The following AP4S1 variants were observed in gnomAD, a reference collection of about 807,000 sequenced individuals.
AP4S1 encodes AP-4 complex subunit sigma-1.
AP4S1 carries 23 observed loss-of-function variants against 19.8 expected under a neutral mutation model. That is an observed-to-expected ratio of 1.16 (90% CI 0.84 to 1.65). The LOEUF (loss-of-function observed/expected upper bound fraction) is 1.65. Among genes scored for constraint, AP4S1 ranks in the 40% most tolerant of loss-of-function variants. The pLI is 0.00. For missense variants in AP4S1, 166 were observed against 172.8 expected (o/e 0.96, Z 0.22); for synonymous variants, 46 against 54.1 (o/e 0.85, Z 0.66).
chr14:31,062,408 T>G (rs1421239422), intron 1 of AP4S1, among the ~76,000 whole-genome samples: 1 of 152,126 alleles, frequency 6.6e-6, no homozygotes, highest in Non-Finnish European at 1.5e-5. Flanking sequence ...CAGGTCTATT[T>G]ATTTTTAAAG....
At chr14:31,082,777 T>C (rs1887707523) in intron 5 of AP4S1, among the ~76,000 whole-genome samples, 1 of 151,940 alleles carries the variant, frequency 6.6e-6, no homozygotes, top group Non-Finnish European at 1.5e-5. Flanking sequence ...GCGCCTGTAG[T>C]CCCAGCTACT....
At chr14:31,034,909 G>C (rs1042715865) in intron 1 of AP4S1, among the ~76,000 whole-genome samples, 1 of 151,836 alleles carries the variant, frequency 6.6e-6, no homozygotes, top group Non-Finnish European at 1.5e-5. Flanking sequence ...TTACAGGCAT[G>C]AGCCACCGTG....
intron 5 of AP4S1, chr14:31,084,826 T>A: frequency 6.2e-7 from 1 of 1,614,200 alleles, no homozygotes; most frequent in Non-Finnish European, 8.5e-7. Flanking sequence ...GCAGACTTGC[T>A]TTTCTCCAGA....
chr14:31,083,334 G>A (rs1451514181), intron 5 of AP4S1: 1 of 401,568 alleles, frequency 2.5e-6, no homozygotes, highest in Non-Finnish European at 4.9e-6. Context: ...TATCCATCTG[G>A]CAAATTAGGA....
chr14:31,092,966 C>G lies in AP4S1; in HGVS notation c.366C>G (p.Cys122Trp). ...IILDEMVLNG[C>W]IVETNRARIL... is the part of the protein sequence containing the mutation. The stretch of plus-strand genomic sequence containing the variant: ...TGGATGAGATGGTGTTAAATGGCTG[C>G]ATTGTGGAAACTAACAGGGCAAGAA... The change falls in exon 6 of 6, where the codon TGC (cysteine) becomes TGG (tryptophan). Residue 122 changes from cysteine (C) to tryptophan (W), a missense_variant. Transcript: ENST00000542754. 16 of 1,548,226 alleles carry G rather than the reference C, an allele frequency of 1.0e-5. No homozygotes were observed. The highest frequency in any genetic ancestry group is 1.3e-5 in the Non-Finnish European group (15 of 1,145,690).
chr14:31,068,768 A>G (rs1276810820), intron 2 of AP4S1, among the ~76,000 whole-genome samples: 1 of 152,220 alleles, frequency 6.6e-6, no homozygotes, highest in East Asian at 1.9e-4. Context: ...GCACCAAAGT[A>G]GCATAATAGC....
In AP4S1 at chr14:31,063,630, A is replaced by G. The variant is rs1886559818; in HGVS notation, c.-71-2496A>G. On this transcript the variant is annotated intron_variant, in intron 1 of 5. Coordinates refer to ENST00000542754, the MANE Select transcript of AP4S1 (RefSeq NM_001128126.3). ...CCTCAGGACTGTTAAAGTCATGAAAAACGAGGAAGACTGAGAAACTGTCCC... is the reference window on the plus strand; with the variant it reads ...CCTCAGGACTGTTAAAGTCATGAAAGACGAGGAAGACTGAGAAACTGTCCC... 2.6e-5 allele frequency among the ~76,000 whole-genome samples: 4 copies of G among 152,152 alleles called. No individual in the cohort carries two copies. The South Asian group carries it at 8.3e-4, about 32-fold the overall frequency.
chr14:31,052,228 C>A (rs553133602), intron 1 of AP4S1, among the ~76,000 whole-genome samples: 3 of 152,066 alleles, frequency 2.0e-5, no homozygotes, highest in African/African-American at 7.2e-5. Flanking sequence ...GCCATGATTG[C>A]GCCACTGCAC....
chr14:31,050,071 G>A lies in AP4S1; in HGVS notation c.-71-16055G>A, dbSNP rs536953887. On this transcript the variant is annotated intron_variant, in intron 1 of 5. Coordinates refer to ENST00000542754, the MANE Select transcript of AP4S1 (RefSeq NM_001128126.3). ...TGAGTAGCTGGGATTACAGGCATGC[G>A]CCACCACACCCTGCTAATTTTTGTA... 2.6e-5 allele frequency among the ~76,000 whole-genome samples: 4 copies of A among 152,186 alleles called. No individual in the cohort carries two copies. In the East Asian group the frequency reaches 7.7e-4, roughly 29 times the overall value.
At chr14:31,064,771 A>G (rs1198806411) in intron 1 of AP4S1, among the ~76,000 whole-genome samples, 1 of 152,210 alleles carries the variant, frequency 6.6e-6, no homozygotes, top group Non-Finnish European at 1.5e-5. Flanking sequence ...GGCTGGCAAT[A>G]TAGTGAAACC....
chr14:31,066,029 T>C, intron 1 of AP4S1, 97 bp from the exon 2 acceptor site: 1 of 612,490 alleles, frequency 1.6e-6, no homozygotes, highest in Non-Finnish European at 2.8e-6. Flanking sequence ...TGATATTTAC[T>C]ACTACTTTAT....
chr14:31,090,077 C>T (rs575139413), intron 5 of AP4S1, among the ~76,000 whole-genome samples: 2 of 152,278 alleles, frequency 1.3e-5, no homozygotes, highest in East Asian at 3.9e-4. Flanking sequence ...CAACCTCCGC[C>T]TCCGAGGTTC....
At chr14:31,041,450 G>T (rs551619326) in intron 1 of AP4S1, among the ~76,000 whole-genome samples, 1 of 152,192 alleles carries the variant, frequency 6.6e-6, no homozygotes, top group South Asian at 2.1e-4. Context: ...TGCCCAACAG[G>T]TTTGAAATAT....
chr14:31,072,770 G>A, intron 3 of AP4S1, 135 bp from the exon 4 acceptor site: 1 of 706,256 alleles, frequency 1.4e-6, no homozygotes, highest in Non-Finnish European at 2.6e-6. Flanking sequence ...TTTGTCAGTG[G>A]GAGGCTACTT....
At chr14:31,088,876 G>T (rs1887996653) in intron 5 of AP4S1, among the ~76,000 whole-genome samples, 1 of 151,114 alleles carries the variant, frequency 6.6e-6, no homozygotes, top group South Asian at 2.1e-4. Context: ...TGTGAACAGG[G>T]CCGGGCACAG....
intron 1 of AP4S1, among the ~76,000 whole-genome samples, chr14:31,028,605 A>G (rs1884191521): frequency 6.6e-6 from 1 of 151,776 alleles, no homozygotes; most frequent in African/African-American, 2.4e-5. Flanking sequence ...ATACACACAC[A>G]CACACACACA....
chr14:31,056,848 G>T (rs532087061), intron 1 of AP4S1, among the ~76,000 whole-genome samples: 49 of 152,246 alleles, frequency 3.2e-4, no homozygotes, highest in Non-Finnish European at 2.1e-4. Context: ...AAGCTGAGGC[G>T]TGTGAATCAC....
upstream of AP4S1, chr14:31,025,590 G>A (rs1883795385): frequency 9.1e-6 from 4 of 438,602 alleles, no homozygotes; most frequent in Non-Finnish European, 1.7e-5. Flanking sequence ...AGAGGTGCTC[G>A]GTCCCAAGCC....
intron 1 of AP4S1, among the ~76,000 whole-genome samples, chr14:31,048,798 C>T (rs539350834): frequency 1.3e-5 from 2 of 152,102 alleles, no homozygotes; most frequent in Non-Finnish European, 2.9e-5. Context: ...ATGGTTCTTC[C>T]GTATCTGCTG....
Sources: gnomAD v4.1 joint callset for allele counts (sites outside exome capture counted in the v4.1 genomes callset) on GRCh38, gnomAD v4.1.1 for gene constraint, MANE v1.5 for transcripts, NCBI Gene and HGNC (gene_info 2026-07-23, HGNC 2026-07-21) for gene names.